MYRFL: variants seen among roughly 807,000 people sequenced by gnomAD.
MYRFL encodes myelin regulatory factor-like protein.
MYRFL carries 88 observed loss-of-function variants against 109.4 expected under a neutral mutation model. That is an observed-to-expected ratio of 0.80 (90% CI 0.68 to 0.96). The LOEUF (loss-of-function observed/expected upper bound fraction) is 0.96, where lower values mean the gene tolerates loss of function less well. MYRFL is among the 40% of genes least tolerant of loss of function. The pLI, the probability that MYRFL is intolerant of heterozygous loss-of-function variation, is 0.00. For synonymous variants in MYRFL, 324 were observed against 320.9 expected (o/e 1.01, Z -0.10); for missense variants, 957 against 954.9 (o/e 1.00, Z -0.03).
At chr12:69,915,651 T>C (rs2120407503) in intron 13 of MYRFL, among the ~76,000 whole-genome samples, 1 of 152,204 alleles carries the variant, frequency 6.6e-6, no homozygotes, top group Non-Finnish European at 1.5e-5. Context: ...CCTCTTCTCA[T>C]ATATTCCCCA....
In MYRFL at chr12:69,863,357, T is replaced by C. The variant is rs1188199023; in HGVS notation, c.137+7987T>C. Reference sequence around the variant, plus strand: ...TTCCTCCTTGTACCTCTGGTAGAATTCGGCTGTGAATCCATCTGGTCCTGG... The same window carrying C: ...TTCCTCCTTGTACCTCTGGTAGAATCCGGCTGTGAATCCATCTGGTCCTGG... On this transcript the variant is annotated intron_variant, in intron 2 of 24. Transcript: ENST00000552032. Among the ~76,000 whole-genome samples, 3 of 152,222 alleles carry C rather than the reference T, an allele frequency of 2.0e-5. No homozygotes were observed. The East Asian group carries it at 5.8e-4, about 29-fold the overall frequency.
intron 1 of MYRFL, among the ~76,000 whole-genome samples, chr12:69,845,642 AGGG>A (rs1254006783): frequency 8.5e-5 from 13 of 152,174 alleles, no homozygotes; most frequent in Non-Finnish European, 1.6e-4. Context: ...TATTGGAGTG[AGGG>A]ATAGAAAGCA....
chr12:69,885,703 A>C (rs1886406136), intron 5 of MYRFL, among the ~76,000 whole-genome samples: 1 of 152,216 alleles, frequency 6.6e-6, no homozygotes, highest in Non-Finnish European at 1.5e-5. Flanking sequence ...GACAAGTTGC[A>C]AGGATTATGC....
intron 13 of MYRFL, among the ~76,000 whole-genome samples, chr12:69,919,169 G>C (rs561173738): frequency 1.3e-5 from 2 of 152,164 alleles, no homozygotes; most frequent in Non-Finnish European, 2.9e-5. Flanking sequence ...GCCTGTGTCA[G>C]GTACTGAGTT....
chr12:69,825,627 C>A, intron 1 of MYRFL, 64 bp downstream of exon 1: 1 of 686,864 alleles, frequency 1.5e-6, no homozygotes, highest in African/African-American at 1.8e-5. Context: ...CCCTGTTTCA[C>A]CTTTTCCGTA....
chr12:69,891,114 A>G lies in MYRFL; in HGVS notation c.851A>G (p.Glu284Gly), dbSNP rs1420223240. 1 of 1,534,862 alleles carries G rather than the reference A, an allele frequency of 6.5e-7. No homozygotes were observed. Among genetic ancestry groups the G allele is most frequent in the East Asian group, 2.4e-5 (1 of 40,896 alleles). The change falls in exon 7 of 25, where the codon GAG (glutamate) becomes GGG (glycine). Residue 284 changes from glutamate to glycine, a missense_variant. Coordinates refer to ENST00000552032, the MANE Select transcript of MYRFL (RefSeq NM_182530.3). ...VWGSPKFVETEMGLKPIEMFY... is the reference protein window; with the variant it reads ...VWGSPKFVETGMGLKPIEMFY... The stretch of plus-strand genomic sequence containing the variant: ...GGAAGTCCAAAATTTGTTGAAACCG[A>G]GATGGGCCTAAAGCCAATAGAAATG...
At chr12:69,915,958 A>G (rs539716221) in intron 13 of MYRFL, among the ~76,000 whole-genome samples, 3 of 152,252 alleles carry the variant, frequency 2.0e-5, no homozygotes, top group East Asian at 3.9e-4. Context: ...GTAATTCACA[A>G]CTGAACCTGT....
rs1012128679 is a variant in MYRFL, at chr12:69,880,268, G to A, written c.532G>A (p.Val178Met). The part of the protein sequence containing the change: ...QALEDSGECR[V>M]WACHCRPMTS... The stretch of plus-strand genomic sequence containing the variant: ...ACTGGAGGACTCCGGGGAATGCCGA[G>A]TGTGGGCCTGCCACTGCAGACCGAG... The change falls in exon 5 of 25, where the codon GTG becomes ATG. Residue 178 changes from valine to methionine, a missense_variant. Val to Met is a conservative substitution (Grantham distance 21, BLOSUM62 1). Transcript: ENST00000552032. 2 of 702,620 alleles carry A rather than the reference G, an allele frequency of 2.8e-6. No homozygotes were observed. Among genetic ancestry groups the A allele is most frequent in the African/African-American group, 3.5e-5 (2 of 57,256 alleles). The allele number at this position is 702,620 out of a possible 1,614,324, so 43.5% of individuals were successfully genotyped here.
intron 1 of MYRFL, among the ~76,000 whole-genome samples, chr12:69,854,054 A>G (rs542026085): frequency 1.3e-5 from 2 of 152,314 alleles, no homozygotes; most frequent in East Asian, 3.9e-4. Context: ...CAGCCTGGGC[A>G]ACATTGAGCA....
At chr12:69,855,105 T>C (rs1362342187) in intron 1 of MYRFL, among the ~76,000 whole-genome samples, 175 bp from the exon 2 acceptor site, 6 of 152,342 alleles carry the variant, frequency 3.9e-5, no homozygotes, top group Non-Finnish European at 8.8e-5. Flanking sequence ...CCATCCATCC[T>C]TCCATCCATC....
At position 69,908,351 on chromosome 12, in the gene MYRFL, A is replaced by G. The variant is rs114960161; in HGVS notation, c.1384-1618A>G. On this transcript the variant is annotated intron_variant, in intron 11 of 24. Coordinates refer to ENST00000552032, the MANE Select transcript of MYRFL (RefSeq NM_182530.3). Reference sequence around the variant, plus strand: ...CATGCTATGAAGGAGAACTGGTGCTATGAGCACATAAAGCAGAGGAACTTT... The same window carrying G: ...CATGCTATGAAGGAGAACTGGTGCTGTGAGCACATAAAGCAGAGGAACTTT... Among the ~76,000 whole-genome samples the G allele has an allele frequency of 5.0e-3, 757 of 152,360 alleles. 13 individuals are homozygous for G. Among genetic ancestry groups the G allele is most frequent in the African/African-American group, 0.017 (711 of 41,580 alleles).
intron 15 of MYRFL, among the ~76,000 whole-genome samples, chr12:69,929,706 A>G (rs539061471): frequency 6.6e-6 from 1 of 152,342 alleles, no homozygotes; most frequent in Admixed American, 6.5e-5. Flanking sequence ...CACTGTGGTT[A>G]AGAGCATAGA....
Position 69,903,648 on chromosome 12 carries a change from C to G in MYRFL, c.1187C>G (p.Ser396Cys), listed in dbSNP as rs1954260187. ...TATATTTATGTATTTTTCCAGGCCT[C>G]TAACCCTGGGCAGTTTGAAAATGAC... ...HISERIIVRASNPGQFENDSD... is the reference protein window; with the variant it reads ...HISERIIVRACNPGQFENDSD... Residue 396 changes from serine to cysteine, a missense_variant, in exon 11 of 25, where the codon TCT (serine) becomes TGT (cysteine). Transcript: ENST00000552032. 6.5e-7 allele frequency: 1 copy of G among 1,535,816 alleles called. No individual in the cohort carries two copies. Among genetic ancestry groups the G allele is most frequent in the Non-Finnish European group, 8.7e-7 (1 of 1,146,676 alleles).
intron 11 of MYRFL, among the ~76,000 whole-genome samples, chr12:69,908,246 C>T (rs1177463053): frequency 6.6e-6 from 1 of 152,150 alleles, no homozygotes; most frequent in South Asian, 2.1e-4. Flanking sequence ...TAAACATGTC[C>T]TCACTCTCAC....
chr12:69,828,202 G>T (rs1882407222), intron 1 of MYRFL, among the ~76,000 whole-genome samples: 1 of 152,054 alleles, frequency 6.6e-6, no homozygotes, highest in East Asian at 1.9e-4. Flanking sequence ...ATTCTATGGG[G>T]TTTGCCCCTT....
intron 15 of MYRFL, 74 bp downstream of exon 15, chr12:69,927,822 AT>A (rs1566031946): frequency 1.5e-6 from 2 of 1,347,770 alleles, no homozygotes; most frequent in Non-Finnish European, 2.0e-6. Flanking sequence ...TCAGTCAAGA[AT>A]TTTTTTCTCA....
At chr12:69,873,780 T>C (rs922723398) in intron 2 of MYRFL, among the ~76,000 whole-genome samples, 1 of 152,204 alleles carries the variant, frequency 6.6e-6, no homozygotes, top group African/African-American at 2.4e-5. Context: ...CCTTAGAAAG[T>C]GAAACCATGG....
intron 1 of MYRFL, among the ~76,000 whole-genome samples, chr12:69,854,014 G>A (rs1884097831): frequency 6.6e-6 from 1 of 152,226 alleles, no homozygotes; most frequent in South Asian, 2.1e-4. Flanking sequence ...GGTGGAGGTT[G>A]TAGTGAGCCG....
intron 2 of MYRFL, among the ~76,000 whole-genome samples, chr12:69,860,879 A>C (rs1395443036): frequency 8.3e-6 from 1 of 120,604 alleles, no homozygotes; most frequent in East Asian, 2.9e-4. Flanking sequence ...TCCTAAAGCT[A>C]TCCCTCCCCC....
Sources: gnomAD v4.1 joint callset for allele counts (sites outside exome capture counted in the v4.1 genomes callset) on GRCh38, gnomAD v4.1.1 for gene constraint, MANE v1.5 for transcripts, NCBI Gene and HGNC (gene_info 2026-07-23, HGNC 2026-07-21) for gene names.